Variants in RYR2 observed in about 807,000 individuals in gnomAD.
RYR2 encodes cardiac muscle ryanodine receptor-calcium release channel.
RYR2 carries 227 observed loss-of-function variants against 601.1 expected under a neutral mutation model. The ratio of observed to expected loss-of-function variants is 0.38; its 90% CI spans 0.34 to 0.42. The LOEUF is 0.42. RYR2 is among the 10% of genes least tolerant of loss of function. The probability of loss-of-function intolerance (pLI) is 1.00; values close to 1 mark genes in which losing one functional copy is unlikely to be tolerated. For missense variants in RYR2, 4,646 were observed against 6,156.5 expected, an observed-to-expected ratio of 0.75 and a Z score of 8.21; for synonymous variants, 2,223 against 2,175.1, an observed-to-expected ratio of 1.02 and a Z score of -0.61.
At chr1:237,815,868 A>G (rs112964154) in intron 100 of RYR2, among the ~76,000 whole-genome samples, 37 of 152,210 alleles carry the variant, frequency 2.4e-4, no homozygotes, top group African/African-American at 8.9e-4. Flanking sequence ...TAATGCAACA[A>G]GTTGGCACAT....
At chr1:237,574,084 A>T (rs1672985432) in intron 29 of RYR2, among the ~76,000 whole-genome samples, 1 of 152,158 alleles carries the variant, frequency 6.6e-6, no homozygotes, top group South Asian at 2.1e-4. Flanking sequence ...CGCATTGTCT[A>T]TGTGGCAGAT....
Position 237,180,809 on chromosome 1 carries a change from CTAA to C in RYR2, c.49-89686_49-89684del, listed in dbSNP as rs1022863105. Among the ~76,000 whole-genome samples, 13 of 146,708 alleles carry C rather than the reference CTAA, an allele frequency of 8.9e-5. No individual in the cohort carries two copies. Among genetic ancestry groups the C allele is most frequent in the Non-Finnish European group, 1.6e-4 (11 of 67,008 alleles). On this transcript the variant is annotated intron_variant, in intron 1 of 104. Transcript: ENST00000366574. This position sits in a 1 kb window ranked among gnomAD's most constrained non-coding sequence, Gnocchi z 5.3. ...AATTATACCAATTATATAATAATTA[CTAA>C]TTTCAATCATGTAAATATATATCAA...
intron 96 of RYR2, among the ~76,000 whole-genome samples, chr1:237,795,978 A>G (rs5781996): frequency 4.1e-5 from 1 of 24,382 alleles, no homozygotes; most frequent in African/African-American, 7.6e-5. Context: ...ATATGTATAT[A>G]TGTATATACA....
Position 237,784,580 on chromosome 1 carries a change from A to T in RYR2, c.12868A>T (p.Ile4290Phe), listed in dbSNP as rs771125954. ...GGCCTTCTTTTCATCCTACTGGAGT[A>T]TTTTCATGACCCTCTTGCACTTCGT... ...VTAFFSSYWS[I>F]FMTLLHFVAS... is the part of the protein sequence containing the mutation. The change falls in exon 90 of 105, where the codon ATT becomes TTT. Residue 4290 changes from isoleucine to phenylalanine, a missense_variant. Transcript: ENST00000366574. The surrounding 1 kb of genome is among the most constrained non-coding windows in gnomAD (Gnocchi z 7.1). The T allele has an allele frequency of 6.2e-7, 1 of 1,613,798 alleles. No individual in the cohort carries two copies.
intron 1 of RYR2, among the ~76,000 whole-genome samples, chr1:237,084,360 A>T (rs56791228): frequency 6.6e-6 from 1 of 152,132 alleles, no homozygotes; most frequent in African/African-American, 2.4e-5. Flanking sequence ...ATCAGGCTAC[A>T]TAAGCAGAAA....
chr1:237,683,952 G>A (rs1435605219), intron 62 of RYR2, among the ~76,000 whole-genome samples: 1 of 152,050 alleles, frequency 6.6e-6, no homozygotes, highest in African/African-American at 2.4e-5. Flanking sequence ...TTTTGAGGTA[G>A]AGTCTCACTC....
rs936901045 is a variant in RYR2, at chr1:237,731,916, A to ACACACACC, written c.10936-127_10936-126insACACCCAC. ...TACACACACACACACACACACACACACACCCCACAACAGGGAAGGAGGAAC... is the reference window on the plus strand; with the variant it reads ...TACACACACACACACACACACACACACACACACCCACCCCACAACAGGGAAGGAGGAAC... On this transcript the variant is annotated intron_variant, in intron 77 of 104. Transcript: ENST00000366574. The ACACACACC allele has an allele frequency of 2.6e-3, 1,537 of 600,576 alleles. 4 individuals are homozygous for ACACACACC. Among genetic ancestry groups the ACACACACC allele is most frequent in the Non-Finnish European group, 3.4e-3 (1,143 of 333,002 alleles). 37.2% of individuals were successfully genotyped at this position (600,576 alleles called of 1,614,324 possible).
At chr1:237,225,518 A>C (rs946542681) in intron 1 of RYR2, among the ~76,000 whole-genome samples, 15 of 151,984 alleles carry the variant, frequency 9.9e-5, no homozygotes, top group Admixed American at 8.5e-4. Flanking sequence ...TATGGGGGAA[A>C]CCTCCCCCAT....
chr1:237,480,666 A>G (rs1454757083), intron 17 of RYR2, among the ~76,000 whole-genome samples: 5 of 152,108 alleles, frequency 3.3e-5, no homozygotes, highest in African/African-American at 1.2e-4. Flanking sequence ...TGCATAGTAC[A>G]TTATAATTAC....
At chr1:237,336,885 T>C (rs534907757) in intron 3 of RYR2, among the ~76,000 whole-genome samples, 1 of 151,210 alleles carries the variant, frequency 6.6e-6, no homozygotes, top group East Asian at 2.0e-4. Context: ...AATTAATTAA[T>C]TAAATAAAAC....
At chr1:237,566,831 C>G (rs1027355677) in intron 28 of RYR2, 56 bp downstream of exon 28, 2 of 1,547,440 alleles carry the variant, frequency 1.3e-6, no homozygotes, top group Non-Finnish European at 1.8e-6. Context: ...CTCATCTCCT[C>G]TGCTGTTCCT....
intron 1 of RYR2, among the ~76,000 whole-genome samples, chr1:237,192,942 C>A (rs2149006555): frequency 6.6e-6 from 1 of 152,060 alleles, no homozygotes; most frequent in East Asian, 1.9e-4. Context: ...ATGTGTTTTT[C>A]AGTATCCTTC....
chr1:237,635,333 G>T (rs1027037588), intron 44 of RYR2, among the ~76,000 whole-genome samples: 1 of 152,064 alleles, frequency 6.6e-6, no homozygotes, highest in Non-Finnish European at 1.5e-5. Flanking sequence ...GAGAACCAAC[G>T]TTCTGTATCT....
In RYR2 at chr1:237,556,279, ATAT is replaced by A. The variant is rs57036969; in HGVS notation, c.3214+5621_3214+5623del. 5.8e-3 allele frequency among the ~76,000 whole-genome samples: 831 copies of A among 142,900 alleles called. 6 individuals carry two copies. The highest frequency in any genetic ancestry group is 0.016 in the East Asian group (78 of 4,894). The allele number at this position is 142,900 out of a possible 152,430, so 93.7% of individuals were successfully genotyped here. A position where few individuals can be genotyped will look rare whatever the true frequency, so the allele number is the denominator to read the frequency against. The stretch of plus-strand genomic sequence containing the variant: ...GCAATTCTCATTTCCATTTTTTAAA[ATAT>A]TATTATTATTATTATTATTATTATT... On this transcript the variant is annotated intron_variant, in intron 27 of 104. Transcript: ENST00000366574.
chr1:237,381,274 A>AC, intron 8 of RYR2, among the ~76,000 whole-genome samples: 1 of 151,104 alleles, frequency 6.6e-6, no homozygotes, highest in East Asian at 1.9e-4. Context: ...AAAAAAAAAA[A>AC]AAGAATGCTT....
At chr1:237,462,865 A>G (rs1659636883) in intron 16 of RYR2, among the ~76,000 whole-genome samples, 2 of 152,144 alleles carry the variant, frequency 1.3e-5, no homozygotes, top group Admixed American at 1.3e-4. Context: ...AGGAAGTCTC[A>G]GAAACGTATC....
intron 2 of RYR2, among the ~76,000 whole-genome samples, chr1:237,311,855 CACTT>C (rs762097394): frequency 2.6e-5 from 4 of 152,170 alleles, no homozygotes; most frequent in East Asian, 3.8e-4. Flanking sequence ...TTTGGGAAAA[CACTT>C]ACTCTTATCA....
chr1:237,496,806 T>G (rs1050004316), intron 20 of RYR2, 54 bp downstream of exon 20: 31 of 1,567,290 alleles, frequency 2.0e-5, no homozygotes, highest in Non-Finnish European at 2.5e-5. Context: ...TTGCTGGGCA[T>G]TTCTGAAAGC....
At chr1:237,829,733 C>T (rs1185174317) in intron 102 of RYR2, among the ~76,000 whole-genome samples, 2 of 152,084 alleles carry the variant, frequency 1.3e-5, no homozygotes, top group East Asian at 1.9e-4. Context: ...AATACAGGGT[C>T]TCATAAACAT....
Sources: gnomAD v4.1 joint callset for allele counts (sites outside exome capture counted in the v4.1 genomes callset) on GRCh38, gnomAD v4.1.1 for gene constraint, Gnocchi (gnomAD v3.1) non-coding constraint, MANE v1.5 for transcripts, NCBI Gene and HGNC (gene_info 2026-07-23, HGNC 2026-07-21) for gene names.